The following PIP4K2A variants were observed in gnomAD, a reference collection of about 807,000 sequenced individuals.
PIP4K2A encodes the protein phosphatidylinositol 5-phosphate 4-kinase type-2 alpha.
Under a neutral mutation model 42.9 loss-of-function variants are expected in PIP4K2A, and 14 were observed. The ratio of observed to expected loss-of-function variants is 0.33; its 90% CI spans 0.22 to 0.51. PIP4K2A has a LOEUF of 0.51. PIP4K2A is among the 20% of genes least tolerant of loss of function. The pLI is 0.97. For synonymous variants in PIP4K2A, 192 were observed against 192.2 expected (o/e 1.00, Z 0.01); for missense variants, 434 against 519.8 (o/e 0.83, Z 1.61).
chr10:22,556,816 AT>A (rs1289542907), intron 6 of PIP4K2A, among the ~76,000 whole-genome samples: 2 of 152,178 alleles, frequency 1.3e-5, no homozygotes, highest in Non-Finnish European at 2.9e-5. Context: ...TATATAATAC[AT>A]TTATTATAGA....
At chr10:22,659,626 G>A (rs1839164691) in intron 1 of PIP4K2A, 1 of 152,240 alleles carries the variant, frequency 6.6e-6, no homozygotes, top group Non-Finnish European at 1.5e-5. Flanking sequence ...AGGGTTGGTA[G>A]ATTCTTGGTT....
chr10:22,713,702 T>C (rs932628772), intron 1 of PIP4K2A, among the ~76,000 whole-genome samples: 5 of 151,786 alleles, frequency 3.3e-5, no homozygotes, highest in Non-Finnish European at 7.4e-5. Context: ...AGTGGGAGGC[T>C]CGCACGCGCC....
At chr10:22,538,294 A>C (rs1055982917) in intron 9 of PIP4K2A, among the ~76,000 whole-genome samples, 5 of 151,048 alleles carry the variant, frequency 3.3e-5, no homozygotes, top group Non-Finnish European at 5.9e-5. Context: ...GCCGTGTGGC[A>C]CACTATGGAG....
intron 5 of PIP4K2A, chr10:22,569,085 G>T (rs1564424608): frequency 3.3e-6 from 5 of 1,500,180 alleles, no homozygotes; most frequent in Admixed American, 2.0e-5. Flanking sequence ...TTGATTACTG[G>T]CTTTCATCGA....
chr10:22,684,510 A>G (rs1039252838), intron 1 of PIP4K2A, among the ~76,000 whole-genome samples: 1 of 152,146 alleles, frequency 6.6e-6, no homozygotes. Context: ...TATGTTCATA[A>G]TTTTTAAAAA....
intron 1 of PIP4K2A, among the ~76,000 whole-genome samples, chr10:22,699,768 T>C (rs931520434): frequency 6.6e-6 from 1 of 152,172 alleles, no homozygotes; most frequent in African/African-American, 2.4e-5. Context: ...ACTTTTATTG[T>C]AATGCAATAT....
intron 4 of PIP4K2A, among the ~76,000 whole-genome samples, chr10:22,589,665 C>T (rs1837469891): frequency 6.6e-6 from 1 of 152,184 alleles, no homozygotes; most frequent in South Asian, 2.1e-4. Flanking sequence ...GAGCATCATG[C>T]ATGAACATAA....
intron 4 of PIP4K2A, among the ~76,000 whole-genome samples, chr10:22,585,374 C>T (rs1389889026): frequency 6.6e-6 from 1 of 151,978 alleles, no homozygotes; most frequent in Non-Finnish European, 1.5e-5. Flanking sequence ...AATTGTTTCC[C>T]TAAATAAAAG....
intron 7 of PIP4K2A, among the ~76,000 whole-genome samples, chr10:22,548,528 T>A (rs1175036529): frequency 6.6e-6 from 1 of 152,214 alleles, no homozygotes; most frequent in East Asian, 1.9e-4. Flanking sequence ...TTCTTCTCAG[T>A]ATCAAGGATT....
At chr10:22,632,094 A>G (rs1360343503) in intron 1 of PIP4K2A, among the ~76,000 whole-genome samples, 1 of 152,198 alleles carries the variant, frequency 6.6e-6, no homozygotes, top group African/African-American at 2.4e-5. Context: ...GTCTTCATGA[A>G]AAGTGTAAAG....
intron 4 of PIP4K2A, among the ~76,000 whole-genome samples, chr10:22,575,718 T>C (rs937026675): frequency 1.3e-5 from 2 of 151,972 alleles, no homozygotes; most frequent in African/African-American, 4.8e-5. Context: ...GGCAGGTGGA[T>C]CACGAGGTCA....
intron 1 of PIP4K2A, among the ~76,000 whole-genome samples, chr10:22,713,781 G>A (rs1833958180): frequency 6.6e-6 from 1 of 152,078 alleles, no homozygotes. Context: ...ACACCGGGTA[G>A]CGGTCGCCCG....
intron 3 of PIP4K2A, 107 bp downstream of exon 3, chr10:22,607,820 T>C: frequency 1.6e-6 from 1 of 623,004 alleles, no homozygotes. Context: ...TGAAAATTAC[T>C]ATTATATAAT....
At chr10:22,582,192 C>T (rs1837296354) in intron 4 of PIP4K2A, among the ~76,000 whole-genome samples, 1 of 151,878 alleles carries the variant, frequency 6.6e-6, no homozygotes, top group Non-Finnish European at 1.5e-5. Flanking sequence ...GAACTTTTTC[C>T]TGTACTACTG....
chr10:22,566,153 T>C (rs189609052), intron 6 of PIP4K2A, among the ~76,000 whole-genome samples: 6 of 152,318 alleles, frequency 3.9e-5, no homozygotes, highest in East Asian at 1.9e-4. Context: ...CCCTCCCCTT[T>C]TGAAAATCCC....
At chr10:22,586,212 G>A (rs188571202) in intron 4 of PIP4K2A, among the ~76,000 whole-genome samples, 13 of 152,332 alleles carry the variant, frequency 8.5e-5, no homozygotes, top group African/African-American at 3.1e-4. Flanking sequence ...AAAGTTTGCT[G>A]TGCTTAATAT....
intron 6 of PIP4K2A, among the ~76,000 whole-genome samples, chr10:22,555,671 G>C (rs1045048554): frequency 1.3e-5 from 2 of 151,974 alleles, no homozygotes; most frequent in African/African-American, 4.8e-5. Flanking sequence ...AAAGCACATA[G>C]TGCCTGGCAA....
At chr10:22,539,904 AGAGAGAGGGAGAGAGAGAGAGAGAGAGG>A in intron 9 of PIP4K2A, 39 bp downstream of exon 9, 2 of 682,632 alleles carry the variant, frequency 2.9e-6, no homozygotes, top group Non-Finnish European at 5.0e-6. Context: ...AGAGAGAGAG[AGAGAGAGGGAGAGAGAGAGAGAGAGAGG>A]GAGAGAAAGA....
intron 1 of PIP4K2A, among the ~76,000 whole-genome samples, chr10:22,672,287 G>C (rs191766323): frequency 6.7e-5 from 10 of 149,002 alleles, no homozygotes; most frequent in Admixed American, 3.4e-4. Flanking sequence ...GGGACAGTGT[G>C]GGGGGGGATT....
Sources: allele counts gnomAD v4.1 joint callset (sites outside exome capture counted in the v4.1 genomes callset), GRCh38; gene constraint gnomAD v4.1.1; transcripts MANE v1.5; gene names NCBI Gene and HGNC (gene_info 2026-07-23, HGNC 2026-07-21).